APC: variants seen among roughly 807,000 people sequenced by gnomAD.
The protein encoded by APC is adenomatous polyposis coli protein.
In APC, 72 loss-of-function variants were observed where a neutral mutation model predicts 247.0. The ratio of observed to expected loss-of-function variants is 0.29; its 90% CI spans 0.24 to 0.35. APC has a LOEUF of 0.35. Among genes scored for constraint, APC ranks in the 10% least tolerant of loss-of-function variants. APC has a pLI of 1.00. For synonymous variants in APC, 1,254 were observed against 1,162.5 expected (o/e 1.08, Z -1.60); for missense variants, 3,400 against 3,360.7 (o/e 1.01, Z -0.29).
Position 112,844,032 on chromosome 5 carries a change from CAAA to C in APC, c.8439_8441del (p.Lys2815del), listed in dbSNP as rs752826841. On this transcript the variant is annotated inframe_deletion, in exon 16 of 16. Coordinates refer to ENST00000257430, the MANE Select transcript of APC (RefSeq NM_000038.6). ...ATCCCAACTCCAGTGAATAACAACA[CAAA>C]GAAGCGAGATTCCAAAACTGACAGC... 3.1e-6 allele frequency: 5 copies of C among 1,602,624 alleles called. No individual in the cohort carries two copies. Among genetic ancestry groups the C allele is most frequent in the African/African-American group, 2.7e-5 (2 of 74,136 alleles).
intron 8 of APC, chr5:112,810,421 GTT>G (rs765515750): frequency 1.5e-5 from 3 of 205,882 alleles, no homozygotes; most frequent in African/African-American, 2.4e-5. Context: ...AAGAGCCACA[GTT>G]TTATATGATA....
chr5:112,783,346 C>T (rs1452342098), intron 6 of APC, among the ~76,000 whole-genome samples: 1 of 151,998 alleles, frequency 6.6e-6, no homozygotes. Context: ...TTTTGAGAAA[C>T]ATACGTGTTC....
chr5:112,810,039 T>C (rs1360863106), intron 8 of APC: 2 of 410,892 alleles, frequency 4.9e-6, no homozygotes, highest in Admixed American at 3.0e-5. Flanking sequence ...ACTGTAAAGA[T>C]GTCTAGATGT....
intron 1 of APC, among the ~76,000 whole-genome samples, chr5:112,720,621 G>A (rs545762608): frequency 3.3e-5 from 5 of 152,344 alleles, no homozygotes; most frequent in African/African-American, 9.6e-5. Flanking sequence ...TATTCTCCAT[G>A]AAGTAGGTCG....
At chr5:112,775,421 A>G (rs1757512441) in intron 4 of APC, among the ~76,000 whole-genome samples, 1 of 152,112 alleles carries the variant, frequency 6.6e-6, no homozygotes, top group Non-Finnish European at 1.5e-5. Flanking sequence ...TTATTTAGAA[A>G]AAAAGTTCTT....
At chr5:112,730,023 T>G (rs1470844707) in intron 1 of APC, among the ~76,000 whole-genome samples, 2 of 152,306 alleles carry the variant, frequency 1.3e-5, no homozygotes, top group Non-Finnish European at 2.9e-5. Context: ...CTGTTTCTCT[T>G]TAGTTATTTA....
At position 112,799,696 on chromosome 5, in the gene APC, C is replaced by A. The variant is rs188137403; in HGVS notation, c.730-1583C>A. Among the ~76,000 whole-genome samples, 668 of 152,256 alleles carry A rather than the reference C, an allele frequency of 4.4e-3. 3 individuals are homozygous for A. The highest frequency in any genetic ancestry group is 0.01 in the Middle Eastern group (3 of 294). ...TTGCAAGTAGAAAAGGCAAGAATGC[C>A]ATCTAAGAATCGCAGAAAAAGGCAT... On this transcript the variant is annotated intron_variant, in intron 7 of 15. Coordinates refer to ENST00000257430, the MANE Select transcript of APC (RefSeq NM_000038.6).
At chr5:112,821,794 T>C in intron 10 of APC, 102 bp from the exon 11 acceptor site, 1 of 892,192 alleles carries the variant, frequency 1.1e-6, no homozygotes, top group South Asian at 1.4e-5. Flanking sequence ...ATTCCGTGAA[T>C]TAGGGTTATA....
chr5:112,762,886 C>G (rs1045685938), intron 2 of APC, among the ~76,000 whole-genome samples: 1 of 152,136 alleles, frequency 6.6e-6, no homozygotes, highest in Non-Finnish European at 1.5e-5. Flanking sequence ...ATAAACTGTT[C>G]ACAGCAAACT....
At chr5:112,820,210 C>CAA in intron 10 of APC, among the ~76,000 whole-genome samples, 1 of 152,054 alleles carries the variant, frequency 6.6e-6, no homozygotes, top group South Asian at 2.1e-4. Context: ...CACACACACA[C>CAA]ACACACGTGC....
chr5:112,787,494 C>A (rs1759102977), intron 6 of APC, among the ~76,000 whole-genome samples: 1 of 152,126 alleles, frequency 6.6e-6, no homozygotes. Context: ...TTATCATTAA[C>A]AATCAGTGGG....
In APC at chr5:112,839,150, G is replaced by T. The variant is rs1765455990; in HGVS notation, c.3556G>T (p.Asp1186Tyr). 6.2e-7 allele frequency: 1 copy of T among 1,614,082 alleles called. No individual in the cohort carries two copies. The highest frequency in any genetic ancestry group is 1.1e-5 in the South Asian group (1 of 91,076). The change falls in exon 16 of 16, where the codon GAT (aspartate) becomes TAT (tyrosine). Residue 1186 changes from aspartate to tyrosine, a missense_variant. Physicochemically the swap from Asp to Tyr is radical, Grantham distance 160. Around this residue, in one of 9 missense-constraint regions of APC, gnomAD observed 715 missense variants for 656.6 expected, o/e 1.09. Coordinates refer to ENST00000257430, the MANE Select transcript of APC (RefSeq NM_000038.6). The surrounding 1 kb of genome is among the most constrained non-coding windows in gnomAD (Gnocchi z 5.0). ...PIDYSLKYAT[D>Y]IPSSQKQSFS... ...TGATTATAGTTTAAAATATGCCACA[G>T]ATATTCCTTCATCACAGAAACAGTC...
chr5:112,755,185 GAT>G, intron 2 of APC, 160 bp downstream of exon 2: 1 of 613,504 alleles, frequency 1.6e-6, no homozygotes. Context: ...TTTTAAATAA[GAT>G]ATATTGAATT....
chr5:112,817,548 T>G (rs939287280), intron 9 of APC, among the ~76,000 whole-genome samples: 2 of 152,196 alleles, frequency 1.3e-5, no homozygotes, highest in African/African-American at 2.4e-5. Context: ...CATGGAAATT[T>G]AATTCCAGAT....
In APC at chr5:112,841,508, C is replaced by G. The variant is rs1222940653; in HGVS notation, c.5914C>G (p.Leu1972Val). 5 of 1,613,812 alleles carry G rather than the reference C, an allele frequency of 3.1e-6. No individual in the cohort carries two copies. The highest frequency in any genetic ancestry group is 4.2e-6 in the Non-Finnish European group (5 of 1,179,760). Reference sequence around the variant, plus strand: ...TTCTCATAATTCCTCTCTGAGTTCTCTCAGTGACATTGACCAAGAAAACAA... The same window carrying G: ...TTCTCATAATTCCTCTCTGAGTTCTGTCAGTGACATTGACCAAGAAAACAA... ...CFSHNSSLSS[L>V]SDIDQENNNK... The change falls in exon 16 of 16, where the codon CTC (leucine) becomes GTC (valine). Residue 1972 changes from leucine to valine, a missense_variant. By Grantham distance (32) the Leu-to-Val change is conservative (BLOSUM62 1). Transcript: ENST00000257430. The surrounding 1 kb of genome is among the most constrained non-coding windows in gnomAD (Gnocchi z 4.6).
Position 112,798,323 on chromosome 5 carries a change from T to C in APC, c.730-2956T>C, listed in dbSNP as rs557709232. 2.0e-5 allele frequency among the ~76,000 whole-genome samples: 3 copies of C among 152,310 alleles called. No homozygotes were observed. The East Asian group carries it at 5.8e-4, about 29-fold the overall frequency. Reference sequence around the variant, plus strand: ...CATGCTAAGTAAAATAAGCCAGAGATATAAGTCCATTTATATCAAATGTCC... The same window carrying C: ...CATGCTAAGTAAAATAAGCCAGAGACATAAGTCCATTTATATCAAATGTCC... On this transcript the variant is annotated intron_variant, in intron 7 of 15. Transcript: ENST00000257430.
In APC at chr5:112,796,072, A is replaced by G. The variant is rs537507430; in HGVS notation, c.729+3543A>G. On this transcript the variant is annotated intron_variant, in intron 7 of 15. Transcript: ENST00000257430. Reference sequence around the variant, plus strand: ...AGGAGAGAAGCTGAGCATCAGTCATATGTACCCAGAAACCCAAATGAACAA... The same window carrying G: ...AGGAGAGAAGCTGAGCATCAGTCATGTGTACCCAGAAACCCAAATGAACAA... 5.3e-5 allele frequency among the ~76,000 whole-genome samples: 8 copies of G among 152,336 alleles called. No homozygotes were observed. The South Asian group carries it at 1.7e-3, about 32-fold the overall frequency.
At chr5:112,774,522 A>G (rs1040143153) in intron 4 of APC, among the ~76,000 whole-genome samples, 1 of 126,512 alleles carries the variant, frequency 7.9e-6, no homozygotes, top group African/African-American at 3.0e-5. Flanking sequence ...ATGCAGTGGT[A>G]TGATCTCAGC....
chr5:112,804,931 T>C (rs906245205), intron 8 of APC, among the ~76,000 whole-genome samples: 1 of 152,066 alleles, frequency 6.6e-6, no homozygotes, highest in African/African-American at 2.4e-5. Context: ...CAGTGGGCTA[T>C]GATCATGCCA....
Sources: gnomAD v4.1 joint callset for allele counts (sites outside exome capture counted in the v4.1 genomes callset) on GRCh38, gnomAD v4.1.1 for gene constraint, gnomAD v4.1.1 regional missense constraint, Gnocchi (gnomAD v3.1) non-coding constraint, MANE v1.5 for transcripts, NCBI Gene and HGNC (gene_info 2026-07-23, HGNC 2026-07-21) for gene names.